HCLS1: variants seen among roughly 807,000 people sequenced by gnomAD.
The protein encoded by HCLS1 is hematopoietic cell-specific Lyn substrate 1.
HCLS1 carries 44 observed loss-of-function variants against 68.6 expected under a neutral mutation model. That is an observed-to-expected ratio of 0.64 (90% confidence interval 0.50 to 0.82). HCLS1 has a LOEUF of 0.82. Among genes scored for constraint, HCLS1 ranks in the 40% least tolerant of loss-of-function variants. The pLI, the probability that HCLS1 is intolerant of heterozygous loss-of-function variation, is 0.00. For synonymous variants in HCLS1, 217 were observed against 225.8 expected (o/e 0.96, Z 0.35); for missense variants, 602 against 612.1 (o/e 0.98, Z 0.17).
At chr3:121,641,874 G>T (rs12629986) in intron 6 of HCLS1, among the ~76,000 whole-genome samples, 1 of 151,456 alleles carries the variant, frequency 6.6e-6, no homozygotes, top group Admixed American at 6.6e-5. Context: ...GAGGTCAGAA[G>T]ATCGAGACCA....
At chr3:121,651,075 C>T (rs953255874) in intron 3 of HCLS1, among the ~76,000 whole-genome samples, 5 of 152,156 alleles carry the variant, frequency 3.3e-5, no homozygotes, top group Admixed American at 1.3e-4. Context: ...GCAGAGGTTG[C>T]AGTGAGCTGA....
At chr3:121,655,608 A>C (rs1017570855) in intron 3 of HCLS1, 1 of 149,098 alleles carries the variant, frequency 6.7e-6, no homozygotes, top group African/African-American at 2.5e-5. Context: ...TGAAGTGTGC[A>C]TCCTCATCTG....
In HCLS1 at chr3:121,639,168, A is replaced by T. The variant is rs145951531; in HGVS notation, c.455-1912T>A. Among the ~76,000 whole-genome samples the T allele has an allele frequency of 2.3e-4, 35 of 152,348 alleles. No homozygotes were observed. The East Asian group carries it at 6.5e-3, about 28-fold the overall frequency. ...TTAATAGGTATTTTAGGCAAAAACG[A>T]ATCAGTAAAATTATAGAAGATCCAA... On this transcript the variant is annotated intron_variant, in intron 6 of 13. Transcript: ENST00000314583.
At chr3:121,638,898 A>T (rs1442431451) in intron 6 of HCLS1, among the ~76,000 whole-genome samples, 1 of 152,130 alleles carries the variant, frequency 6.6e-6, no homozygotes, top group Admixed American at 6.6e-5. Context: ...AGAAAAATGT[A>T]AAAAACCAGG....
At position 121,633,209 on chromosome 3, in the gene HCLS1, C is replaced by T. The variant is rs116408096; in HGVS notation, c.904-38G>A. 1,472 of 1,321,524 alleles carry T rather than the reference C, an allele frequency of 1.1e-3. 14 individuals carry two copies. In the African/African-American group the frequency reaches 0.019, roughly 17 times the overall value. The allele number at this position is 1,321,524 out of a possible 1,614,324, so 81.9% of individuals were successfully genotyped here. On this transcript the variant is annotated intron_variant, in intron 10 of 13. Coordinates refer to ENST00000314583, the MANE Select transcript of HCLS1 (RefSeq NM_005335.6). ...AAGCATCTCTCAAGTAAGCAAGCCT[C>T]CATCTTCACTCCTTTTTTTTTTTTG... is the stretch of plus-strand genomic sequence containing the variant.
At chr3:121,646,139 T>G (rs2049245042) in intron 4 of HCLS1, among the ~76,000 whole-genome samples, 1 of 47,562 alleles carries the variant, frequency 2.1e-5, no homozygotes, top group South Asian at 5.1e-4. Context: ...TAACAGATAC[T>G]ATATATAAGT....
In HCLS1 at chr3:121,648,965, C is replaced by G. The variant is rs572778724; in HGVS notation, c.159-1517G>C. Among the ~76,000 whole-genome samples, 9 of 152,168 alleles carry G rather than the reference C, an allele frequency of 5.9e-5. No individual in the cohort carries two copies. The South Asian group carries it at 1.9e-3, about 32-fold the overall frequency. ...CAACTGAAGTATTCAGATGAAAGAT[C>G]AAGAAAATGGGGCCAAAATTTACTT... On this transcript the variant is annotated intron_variant, in intron 3 of 13. Transcript: ENST00000314583.
At chr3:121,645,056 T>A in intron 4 of HCLS1, 128 bp from the exon 5 acceptor site, 1 of 700,218 alleles carries the variant, frequency 1.4e-6, no homozygotes, top group African/African-American at 1.8e-5. Context: ...CCTCTGACAG[T>A]GGTGCCAAGG....
Position 121,633,659 on chromosome 3 carries a change from T to G in HCLS1, c.904-488A>C, listed in dbSNP as rs2049121137. Among the ~76,000 whole-genome samples, 3 of 152,064 alleles carry G rather than the reference T, an allele frequency of 2.0e-5. No individual in the cohort carries two copies. In the South Asian group the frequency reaches 6.2e-4, roughly 32 times the overall value. ...CTCAAACAATCCTCCTCTCTAAGCC[T>G]CCCAAGTAGCTGGGACTATAGGCAC... On this transcript the variant is annotated intron_variant, in intron 10 of 13. Transcript: ENST00000314583.
rs1258501061 is a variant in HCLS1, at chr3:121,632,576, A to G, written c.1009-13T>C. ...GCTCCTCATTGTCCTGAGAAGAGACAGTGTGGAGCACTGTGACTTCCACTT... is the reference window on the plus strand; with the variant it reads ...GCTCCTCATTGTCCTGAGAAGAGACGGTGTGGAGCACTGTGACTTCCACTT... On this transcript the variant is annotated splice_polypyrimidine_tract_variant and intron_variant, in intron 11 of 13. Coordinates refer to ENST00000314583, the MANE Select transcript of HCLS1 (RefSeq NM_005335.6). The G allele has an allele frequency of 1.2e-6, 2 of 1,606,586 alleles. No individual in the cohort carries two copies. Among genetic ancestry groups the G allele is most frequent in the East Asian group, 4.5e-5 (2 of 44,848 alleles).
intron 1 of HCLS1, among the ~76,000 whole-genome samples, 169 bp downstream of exon 1, chr3:121,660,651 C>G (rs1163008324): frequency 6.6e-6 from 1 of 152,198 alleles, no homozygotes; most frequent in Non-Finnish European, 1.5e-5. Context: ...TTGTTTCTAT[C>G]TCCAGATGCT....
At chr3:121,652,625 A>T (rs757926053) in intron 3 of HCLS1, among the ~76,000 whole-genome samples, 1 of 152,176 alleles carries the variant, frequency 6.6e-6, no homozygotes, top group African/African-American at 2.4e-5. Flanking sequence ...GTACCACTGC[A>T]CTCCAGCCTG....
intron 7 of HCLS1, 22 bp from the exon 8 acceptor site, chr3:121,636,511 G>A: frequency 6.2e-7 from 1 of 1,600,170 alleles, no homozygotes; most frequent in Non-Finnish European, 8.6e-7. Flanking sequence ...AAAGTTCTGA[G>A]TTATAGGAGA....
intron 5 of HCLS1, chr3:121,644,610 G>C (rs1045450881): frequency 3.0e-6 from 2 of 677,960 alleles, no homozygotes; most frequent in Admixed American, 2.0e-5. Context: ...TCTCCTATTT[G>C]AATCACTGTC....
At chr3:121,636,111 A>G (rs1321605691) in intron 8 of HCLS1, among the ~76,000 whole-genome samples, 1 of 152,172 alleles carries the variant, frequency 6.6e-6, no homozygotes, top group Admixed American at 6.5e-5. Context: ...TAGGGAGGAC[A>G]GTGGCATGGG....
chr3:121,640,932 A>G (rs1034346558), intron 6 of HCLS1, among the ~76,000 whole-genome samples: 7 of 152,154 alleles, frequency 4.6e-5, no homozygotes, highest in Non-Finnish European at 8.8e-5. Context: ...TGCAATGGAC[A>G]GCTTAAACAA....
intron 1 of HCLS1, among the ~76,000 whole-genome samples, chr3:121,659,105 A>G (rs1419313416): frequency 6.6e-6 from 1 of 152,236 alleles, no homozygotes; most frequent in Non-Finnish European, 1.5e-5. Context: ...AAAGAATAAT[A>G]TGTAATAAAT....
At chr3:121,639,281 T>G (rs537810771) in intron 6 of HCLS1, among the ~76,000 whole-genome samples, 1 of 152,226 alleles carries the variant, frequency 6.6e-6, no homozygotes, top group East Asian at 1.9e-4. Context: ...TATAGAACAT[T>G]GACCAAATAG....
chr3:121,656,967 A>G, intron 3 of HCLS1: 2 of 256,256 alleles, frequency 7.8e-6, no homozygotes. Context: ...CACTTCCTCT[A>G]TGAATCTCTC....
Sources: gnomAD v4.1 joint callset for allele counts (sites outside exome capture counted in the v4.1 genomes callset) on GRCh38, gnomAD v4.1.1 for gene constraint, MANE v1.5 for transcripts, NCBI Gene and HGNC (gene_info 2026-07-23, HGNC 2026-07-21) for gene names.